FRMD4A: variants seen among roughly 807,000 people sequenced by gnomAD.
The protein encoded by FRMD4A is FERM domain-containing protein 4A.
A neutral mutation model predicts 129.1 loss-of-function variants in FRMD4A; 29 were observed. The ratio of observed to expected loss-of-function variants is 0.22; its 90% CI spans 0.17 to 0.31. The LOEUF is 0.31. FRMD4A is among the 10% of genes least tolerant of loss of function. FRMD4A has a pLI of 1.00. For missense variants in FRMD4A, 1,272 were observed against 1,375.8 expected (o/e 0.92, Z 1.19); for synonymous variants, 634 against 571.6 (o/e 1.11, Z -1.56).
At chr10:13,679,474 T>TATACACACACACACACACACACACACAC (rs1308155926) in intron 15 of FRMD4A, among the ~76,000 whole-genome samples, 30 of 31,478 alleles carry the variant, frequency 9.5e-4, no homozygotes, top group South Asian at 3.9e-3. Flanking sequence ...TATATATATA[T>TATACACACACACACACACACACACACAC]ACACACACAC....
intron 3 of FRMD4A, among the ~76,000 whole-genome samples, chr10:13,847,865 T>C (rs2094076221): frequency 6.6e-6 from 1 of 152,142 alleles, no homozygotes; most frequent in African/African-American, 2.4e-5. Flanking sequence ...TAATAAATAT[T>C]TACCAAACAA....
At chr10:13,903,343 C>T (rs2094842787) in intron 2 of FRMD4A, among the ~76,000 whole-genome samples, 1 of 152,138 alleles carries the variant, frequency 6.6e-6, no homozygotes, top group African/African-American at 2.4e-5. Context: ...ATTACCTGTC[C>T]TTCCCACGAG....
chr10:13,695,479 A>G (rs1283408139), intron 14 of FRMD4A, among the ~76,000 whole-genome samples: 1 of 152,102 alleles, frequency 6.6e-6, no homozygotes, highest in Admixed American at 6.5e-5. Context: ...TCCAGTTTCT[A>G]CCTTCGGTAG....
chr10:13,986,158 C>G (rs1389119491), intron 2 of FRMD4A, among the ~76,000 whole-genome samples: 3 of 152,132 alleles, frequency 2.0e-5, no homozygotes, highest in African/African-American at 4.8e-5. Context: ...GGGTGTCAGC[C>G]CTGGCTGCCC....
intron 2 of FRMD4A, among the ~76,000 whole-genome samples, chr10:13,915,245 TC>T (rs1195612783): frequency 6.6e-6 from 1 of 152,056 alleles, no homozygotes; most frequent in East Asian, 1.9e-4. Context: ...TGATGTCTAG[TC>T]CCCAAAAGAA....
chr10:13,783,151 A>G, intron 5 of FRMD4A, 145 bp from the exon 6 acceptor site: 1 of 612,906 alleles, frequency 1.6e-6, no homozygotes. Flanking sequence ...TGGTTTTTCT[A>G]TGATTCCCTA....
intron 3 of FRMD4A, among the ~76,000 whole-genome samples, chr10:13,820,168 A>T (rs2093608625): frequency 6.6e-6 from 1 of 152,148 alleles, no homozygotes; most frequent in African/African-American, 2.4e-5. Flanking sequence ...TGCCTCCAGA[A>T]ATTTGGGAGA....
chr10:14,000,087 G>T (rs1244252659), intron 2 of FRMD4A, among the ~76,000 whole-genome samples: 1 of 152,076 alleles, frequency 6.6e-6, no homozygotes, highest in Non-Finnish European at 1.5e-5. Context: ...GCCAATAAGA[G>T]AAGACAAAAA....
intron 24 of FRMD4A, among the ~76,000 whole-genome samples, chr10:13,648,924 A>G (rs867848109): frequency 4.6e-5 from 7 of 152,206 alleles, no homozygotes; most frequent in South Asian, 4.2e-4. Context: ...CTCTGAGGGG[A>G]AAAAAAGCTT....
At chr10:14,056,049 A>G (rs1834513490) in intron 2 of FRMD4A, among the ~76,000 whole-genome samples, 1 of 151,768 alleles carries the variant, frequency 6.6e-6, no homozygotes, top group African/African-American at 2.4e-5. Context: ...ATTCTTTTTT[A>G]GAGATGTAGT....
chr10:14,326,623 A>G (rs1184349443), intron 2 of FRMD4A: 4 of 391,200 alleles, frequency 1.0e-5, no homozygotes, highest in African/African-American at 8.2e-5. Context: ...GTGAGCCTTT[A>G]TAATCTAAGA....
intron 2 of FRMD4A, among the ~76,000 whole-genome samples, chr10:14,146,045 C>A (rs1840058134): frequency 6.6e-6 from 1 of 152,190 alleles, no homozygotes; most frequent in African/African-American, 2.4e-5. Flanking sequence ...AAAAGCTCTG[C>A]CCTTCGCTGG....
At chr10:14,127,956 T>TTCTCTCTC (rs1838957750) in intron 2 of FRMD4A, among the ~76,000 whole-genome samples, 1 of 27,558 alleles carries the variant, frequency 3.6e-5, no homozygotes, top group African/African-American at 2.2e-4. Context: ...CTTTCTTTCT[T>TTCTCTCTC]TCTTTCTTTC....
At chr10:14,099,349 A>G (rs1392155236) in intron 2 of FRMD4A, among the ~76,000 whole-genome samples, 1 of 152,238 alleles carries the variant, frequency 6.6e-6, no homozygotes, top group Non-Finnish European at 1.5e-5. Flanking sequence ...AAGAGAAAAA[A>G]AAATCAGAAA....
intron 2 of FRMD4A, among the ~76,000 whole-genome samples, chr10:14,121,986 C>T (rs34026483): frequency 8.5e-4 from 130 of 152,312 alleles, no homozygotes; most frequent in Non-Finnish European, 1.5e-3. Flanking sequence ...GTGTCTGGCA[C>T]AGAATGGTTT....
intron 8 of FRMD4A, among the ~76,000 whole-genome samples, chr10:13,749,256 C>G (rs1473332164): frequency 1.3e-5 from 2 of 152,202 alleles, no homozygotes; most frequent in African/African-American, 4.8e-5. Flanking sequence ...GCTATGTTAG[C>G]AGCTTCGAGG....
intron 4 of FRMD4A, among the ~76,000 whole-genome samples, chr10:13,798,748 G>A (rs1406503721): frequency 5.3e-5 from 8 of 152,144 alleles, no homozygotes; most frequent in Non-Finnish European, 1.2e-4. Context: ...AGAGAGTATT[G>A]TAAGTAAAAT....
At chr10:13,959,034 G>C (rs759650393) in intron 2 of FRMD4A, among the ~76,000 whole-genome samples, 2 of 152,192 alleles carry the variant, frequency 1.3e-5, no homozygotes, top group Non-Finnish European at 2.9e-5. Flanking sequence ...TTTATTCTAT[G>C]AAATGGCTTA....
At chr10:13,791,780 G>C (rs777314711) in intron 5 of FRMD4A, among the ~76,000 whole-genome samples, 35 of 152,290 alleles carry the variant, frequency 2.3e-4, no homozygotes, top group Non-Finnish European at 4.6e-4. Flanking sequence ...GCATGCTACA[G>C]CTGGGATGAT....
Sources: gnomAD v4.1 joint callset for allele counts (sites outside exome capture counted in the v4.1 genomes callset) on GRCh38, gnomAD v4.1.1 for gene constraint, MANE v1.5 for transcripts, NCBI Gene and HGNC (gene_info 2026-07-23, HGNC 2026-07-21) for gene names.